SNRNP200: variants seen among roughly 807,000 people sequenced by gnomAD.
SNRNP200 encodes the protein small nuclear ribonucleoprotein U5 subunit 200.
In SNRNP200, 66 loss-of-function variants were observed where a neutral mutation model predicts 255.2. That is an observed-to-expected ratio of 0.26 (90% confidence interval 0.21 to 0.32). SNRNP200 has a LOEUF of 0.32. Ranked by LOEUF, SNRNP200 falls within the 10% of genes least tolerant of loss-of-function variation. The pLI, the probability that SNRNP200 is intolerant of heterozygous loss-of-function variation, is 1.00. For missense variants in SNRNP200, 1,585 were observed against 2,749.8 expected (o/e 0.58, Z 9.47); for synonymous variants, 939 against 1,027.8 (o/e 0.91, Z 1.65).
intron 13 of SNRNP200, 93 bp from the exon 14 acceptor site, chr2:96,295,751 G>T: frequency 7.5e-7 from 1 of 1,339,560 alleles, no homozygotes; most frequent in Non-Finnish European, 1.0e-6. Flanking sequence ...GGCATTGGGA[G>T]CAGGTATCAA....
chr2:96,275,194 C>T, intron 44 of SNRNP200, 39 bp from the exon 45 acceptor site: 1 of 1,614,180 alleles, frequency 6.2e-7, no homozygotes, highest in South Asian at 1.1e-5. Context: ...AGCATGGACA[C>T]AGGAAGCATT....
At chr2:96,302,021 C>T (rs1264933848) in intron 3 of SNRNP200, among the ~76,000 whole-genome samples, 6 of 152,216 alleles carry the variant, frequency 3.9e-5, no homozygotes, top group African/African-American at 1.4e-4. Context: ...TTTGTCCTCA[C>T]TTCCTCTAGC....
intron 23 of SNRNP200, 46 bp from the exon 24 acceptor site, chr2:96,288,792 G>T: frequency 6.6e-7 from 1 of 1,503,794 alleles, no homozygotes; most frequent in African/African-American, 1.4e-5. Flanking sequence ...TCACTGAACA[G>T]TCCAAGAAAG....
intron 6 of SNRNP200, 54 bp from the exon 7 acceptor site, chr2:96,299,021 T>C: frequency 1.2e-6 from 2 of 1,608,354 alleles, no homozygotes; most frequent in Non-Finnish European, 1.7e-6. Context: ...CCTCGATCAC[T>C]TTGCCACCAC....
Position 96,274,760 on chromosome 2 carries a change from T to A in SNRNP200, c.*252A>T, listed in dbSNP as rs1384609882. On this transcript the variant is annotated 3_prime_UTR_variant, in exon 45 of 45. Transcript: ENST00000323853. ...TTCTACAAATTATTTTATTAGAATG[T>A]CAGACTCAAAAGAACTACCAGGAAC... 3.7e-6 allele frequency: 2 copies of A among 545,062 alleles called. No individual in the cohort carries two copies. Among genetic ancestry groups the A allele is most frequent in the Non-Finnish European group, 6.6e-6 (2 of 303,056 alleles). The allele number at this position is 545,062 out of a possible 1,614,324, so 33.8% of individuals were successfully genotyped here.
In SNRNP200 at chr2:96,288,628, C is replaced by T. The variant is rs571822243; in HGVS notation, c.3258+35G>A. On this transcript the variant is annotated intron_variant, in intron 24 of 44. Transcript: ENST00000323853. Reference sequence around the variant, plus strand: ...CACACAGGGATTGAACTGTTCAGGCCCCTTCTCACAGCTGCCATACAACTC... The same window carrying T: ...CACACAGGGATTGAACTGTTCAGGCTCCTTCTCACAGCTGCCATACAACTC... The T allele has an allele frequency of 5.7e-6, 9 of 1,570,374 alleles. No individual in the cohort carries two copies. In the South Asian group the frequency reaches 1.0e-4, roughly 17 times the overall value.
chr2:96,288,599 A>G, intron 24 of SNRNP200, 64 bp downstream of exon 24: 3 of 1,408,414 alleles, frequency 2.1e-6, no homozygotes, highest in Non-Finnish European at 3.0e-6. Context: ...CAGGATGCAC[A>G]CAGCACACAG....
At chr2:96,275,465 C>A in intron 43 of SNRNP200, 116 bp from the exon 44 acceptor site, 1 of 877,482 alleles carries the variant, frequency 1.1e-6, no homozygotes, top group East Asian at 2.5e-5. Flanking sequence ...TCCAAAGTTT[C>A]TTCCCGAAAT....
intron 13 of SNRNP200, among the ~76,000 whole-genome samples, chr2:96,295,992 A>T (rs1054007293): frequency 1.3e-5 from 2 of 152,004 alleles, no homozygotes; most frequent in Non-Finnish European, 2.9e-5. Flanking sequence ...AAATTAGCTA[A>T]TCTAGTAGTA....
chr2:96,288,032 T>C, intron 24 of SNRNP200, 63 bp from the exon 25 acceptor site: 1 of 1,443,816 alleles, frequency 6.9e-7, no homozygotes, highest in Non-Finnish European at 9.8e-7. Context: ...CATGAGCCAC[T>C]CTACACACGG....
In SNRNP200 at chr2:96,277,391, C is replaced by CTCTCTAGCATCTCAACAGGGAG; in HGVS notation, c.5931+126_5931+147dup. ...AAGAACACAGCCCACAGTTGGCAGG[C>CTCTCTAGCATCTCAACAGGGAG]TCTCTAGCATCTCAACAGGGAGCAC... On this transcript the variant is annotated intron_variant, in intron 41 of 44. Coordinates refer to ENST00000323853, the MANE Select transcript of SNRNP200 (RefSeq NM_014014.5). The surrounding 1 kb of genome is among the most constrained non-coding windows in gnomAD (Gnocchi z 4.4). 4.7e-6 allele frequency: 6 copies of CTCTCTAGCATCTCAACAGGGAG among 1,274,814 alleles called. No homozygotes were observed. Among genetic ancestry groups the CTCTCTAGCATCTCAACAGGGAG allele is most frequent in the Non-Finnish European group, 6.8e-6 (6 of 884,070 alleles). 79.0% of individuals were successfully genotyped at this position (1,274,814 alleles called of 1,614,324 possible).
At position 96,287,644 on chromosome 2, in the gene SNRNP200, G is replaced by A. The variant is rs1482347137; in HGVS notation, c.3366-87C>T. The A allele has an allele frequency of 9.3e-7, 1 of 1,072,784 alleles. No individual in the cohort carries two copies. Among genetic ancestry groups the A allele is most frequent in the East Asian group, 2.4e-5 (1 of 42,448 alleles). The allele number at this position is 1,072,784 out of a possible 1,614,324, so 66.5% of individuals were successfully genotyped here. On this transcript the variant is annotated intron_variant, in intron 25 of 44. Transcript: ENST00000323853. The surrounding 1 kb of genome is among the most constrained non-coding windows in gnomAD (Gnocchi z 5.7). ...TCATGGCTTCCAATAGTTTAGCAGT[G>A]ACTACACAAAACACAGTCATTAAAG...
At chr2:96,304,174 C>T (rs1179353184) in intron 2 of SNRNP200, among the ~76,000 whole-genome samples, 5 of 151,258 alleles carry the variant, frequency 3.3e-5, no homozygotes, top group Non-Finnish European at 7.4e-5. Context: ...GGGAGCAAGA[C>T]ACCAAGATAT....
chr2:96,285,359 A>C lies in SNRNP200; in HGVS notation c.4004-19T>G. ...TTAAACACTGGAAACCAACAGAAAGAAGCAGTGTAAGTATCAAGAAGGAAG... is the reference window on the plus strand; with the variant it reads ...TTAAACACTGGAAACCAACAGAAAGCAGCAGTGTAAGTATCAAGAAGGAAG... On this transcript the variant is annotated intron_variant, in intron 29 of 44. Coordinates refer to ENST00000323853, the MANE Select transcript of SNRNP200 (RefSeq NM_014014.5). 1.2e-6 allele frequency: 2 copies of C among 1,613,712 alleles called. No individual in the cohort carries two copies. Among genetic ancestry groups the C allele is most frequent in the Non-Finnish European group, 8.5e-7 (1 of 1,179,740 alleles).
intron 6 of SNRNP200, among the ~76,000 whole-genome samples, 157 bp downstream of exon 6, chr2:96,299,172 C>T (rs530306488): frequency 6.6e-6 from 1 of 152,166 alleles, no homozygotes; most frequent in African/African-American, 2.4e-5. Flanking sequence ...GGAAGAAAAC[C>T]GACAGAAATT....
chr2:96,301,745 T>G (rs1405333713), intron 3 of SNRNP200, 29 bp from the exon 4 acceptor site: 1 of 1,613,392 alleles, frequency 6.2e-7, no homozygotes, highest in East Asian at 2.2e-5. Context: ...CAACCAATAT[T>G]GAGAACGACG....
In SNRNP200 at chr2:96,287,340, C is replaced by G; in HGVS notation, c.3484+99G>C. ...TTCAGTGGGACTTGGGGAGTGAACA[C>G]AGGATACTAATGCACAGGCCTAGGA... On this transcript the variant is annotated intron_variant, in intron 26 of 44. Coordinates refer to ENST00000323853, the MANE Select transcript of SNRNP200 (RefSeq NM_014014.5). The surrounding 1 kb of genome is among the most constrained non-coding windows in gnomAD (Gnocchi z 5.7). 1 of 1,178,316 alleles carries G rather than the reference C, an allele frequency of 8.5e-7. No homozygotes were observed. Among genetic ancestry groups the G allele is most frequent in the Non-Finnish European group, 1.3e-6 (1 of 783,002 alleles). 73.0% of individuals were successfully genotyped at this position (1,178,316 alleles called of 1,614,324 possible).
Position 96,278,101 on chromosome 2 carries a change from G to A in SNRNP200, c.5610+136C>T. 2 of 1,522,518 alleles carry A rather than the reference G, an allele frequency of 1.3e-6. No individual in the cohort carries two copies. Among genetic ancestry groups the A allele is most frequent in the Admixed American group, 1.7e-5 (1 of 59,790 alleles). 94.3% of individuals were successfully genotyped at this position (1,522,518 alleles called of 1,614,324 possible). ...TGGGATGGAGATGGGTTTGAGGGAG[G>A]TATGGAGCGGGAGGACATATGGCGG... On this transcript the variant is annotated intron_variant, in intron 39 of 44. Coordinates refer to ENST00000323853, the MANE Select transcript of SNRNP200 (RefSeq NM_014014.5). The surrounding 1 kb of genome is among the most constrained non-coding windows in gnomAD (Gnocchi z 6.9).
rs1021653440 is a variant in SNRNP200 at position 96,284,529 on chromosome 2, G to C, written c.4221C>G (p.Leu1407=). The part of the protein sequence containing the change: ...FQDRLNKKVV[L]LTGETSTDLK... ...GGTCTGTGCTGGTCTCGCCTGTCAG[G>C]AGTACCACCTTCTTGTTGAGCCTGT... is the stretch of plus-strand genomic sequence containing the variant. Residue 1407 remains leucine (L), a synonymous_variant, in exon 31 of 45, where the codon CTC becomes CTG. Coordinates refer to ENST00000323853, the MANE Select transcript of SNRNP200 (RefSeq NM_014014.5). 6.2e-7 allele frequency: 1 copy of C among 1,614,044 alleles called. No homozygotes were observed. The highest frequency in any genetic ancestry group is 8.5e-7 in the Non-Finnish European group (1 of 1,180,032).
Sources: allele counts gnomAD v4.1 joint callset (sites outside exome capture counted in the v4.1 genomes callset), GRCh38; gene constraint gnomAD v4.1.1; non-coding constraint Gnocchi (gnomAD v3.1); transcripts MANE v1.5; gene names NCBI Gene and HGNC (gene_info 2026-07-23, HGNC 2026-07-21).